Variants in ROBO1 observed in about 807,000 individuals in gnomAD.
ROBO1 encodes the protein roundabout homolog 1.
ROBO1 carries 149 observed loss-of-function variants against 195.9 expected under a neutral mutation model. That is an observed-to-expected ratio of 0.76 (90% CI 0.67 to 0.87). The LOEUF (loss-of-function observed/expected upper bound fraction) is 0.87, where lower values mean the gene tolerates loss of function less well. ROBO1 is among the 40% of genes least tolerant of loss of function. The pLI is 0.00. For missense variants in ROBO1, 1,933 were observed against 2,068.3 expected (o/e 0.93, Z 1.27); for synonymous variants, 816 against 733.2 (o/e 1.11, Z -1.82).
At chr3:79,018,669 G>T in intron 3 of ROBO1, 6 of 1,387,806 alleles carry the variant, frequency 4.3e-6, no homozygotes, top group Non-Finnish European at 5.6e-6. Flanking sequence ...AGAATTCCAA[G>T]GTTTGTCTTC....
intron 2 of ROBO1, among the ~76,000 whole-genome samples, chr3:79,471,632 G>A (rs1028197444): frequency 6.6e-6 from 1 of 152,106 alleles, no homozygotes; most frequent in East Asian, 1.9e-4. Context: ...AATTTTCTTT[G>A]ATCAAGGTCT....
chr3:79,428,800 T>C (rs373754678), intron 2 of ROBO1, among the ~76,000 whole-genome samples: 5 of 151,824 alleles, frequency 3.3e-5, no homozygotes, highest in African/African-American at 1.2e-4. Flanking sequence ...TTTTAAGAAA[T>C]AAATATTCAT....
intron 3 of ROBO1, among the ~76,000 whole-genome samples, chr3:78,986,454 C>T (rs2077108905): frequency 6.6e-6 from 1 of 151,388 alleles, no homozygotes; most frequent in Admixed American, 6.6e-5. Flanking sequence ...CAAATCCCAA[C>T]TCTCAAATCG....
At chr3:78,718,274 T>C (rs1382171269) in intron 5 of ROBO1, among the ~76,000 whole-genome samples, 2 of 152,198 alleles carry the variant, frequency 1.3e-5, no homozygotes, top group African/African-American at 4.8e-5. Flanking sequence ...ATAATTAATA[T>C]AGAAATATGT....
intron 3 of ROBO1, among the ~76,000 whole-genome samples, chr3:78,995,012 T>A (rs1183691210): frequency 1.3e-5 from 2 of 152,256 alleles, no homozygotes; most frequent in Non-Finnish European, 2.9e-5. Context: ...GAGAACCAGA[T>A]GGAAACTAAT....
chr3:79,652,943 C>T (rs1946054381), intron 1 of ROBO1, among the ~76,000 whole-genome samples: 1 of 151,812 alleles, frequency 6.6e-6, no homozygotes. Flanking sequence ...TAAAGCTTAC[C>T]TCTTTGAACA....
intron 2 of ROBO1, among the ~76,000 whole-genome samples, chr3:79,585,195 T>G (rs1943790841): frequency 6.6e-6 from 1 of 151,904 alleles, no homozygotes; most frequent in Non-Finnish European, 1.5e-5. Context: ...GCCATGGTTA[T>G]TAGTTTCTTT....
At chr3:78,905,853 T>C (rs1390905148) in intron 4 of ROBO1, among the ~76,000 whole-genome samples, 1 of 152,132 alleles carries the variant, frequency 6.6e-6, no homozygotes, top group Non-Finnish European at 1.5e-5. Context: ...AGTAACTTGC[T>C]AACATTAAAA....
intron 3 of ROBO1, among the ~76,000 whole-genome samples, chr3:78,982,862 A>G (rs1193489183): frequency 6.6e-6 from 1 of 152,014 alleles, no homozygotes; most frequent in Non-Finnish European, 1.5e-5. Flanking sequence ...CAAGTGATCC[A>G]CCGGCCATGG....
chr3:79,454,290 C>T lies in ROBO1; in HGVS notation c.88+135534G>A, dbSNP rs540714501. ...CAAGAAATAAAGATAGAAAAATAAGCACTGTAATGTTCATTTTTATTTATT... is the reference window on the plus strand; with the variant it reads ...CAAGAAATAAAGATAGAAAAATAAGTACTGTAATGTTCATTTTTATTTATT... On this transcript the variant is annotated intron_variant, in intron 2 of 30. Transcript: ENST00000464233. 1.3e-4 allele frequency among the ~76,000 whole-genome samples: 19 copies of T among 151,930 alleles called. No individual in the cohort carries two copies. The South Asian group carries it at 1.5e-3, about 12-fold the overall frequency.
intron 3 of ROBO1, among the ~76,000 whole-genome samples, chr3:79,074,419 A>C (rs1427968080): frequency 2.0e-5 from 3 of 151,790 alleles, no homozygotes; most frequent in African/African-American, 7.3e-5. Context: ...TTGTTTTTAA[A>C]TTTTTATTTA....
At chr3:78,997,740 G>A (rs2077403161) in intron 3 of ROBO1, among the ~76,000 whole-genome samples, 1 of 152,108 alleles carries the variant, frequency 6.6e-6, no homozygotes, top group South Asian at 2.1e-4. Flanking sequence ...GAGTTGGGGA[G>A]GGGAGGATAA....
At chr3:79,641,682 C>CAT (rs71130606) in intron 1 of ROBO1, among the ~76,000 whole-genome samples, 87,720 of 151,938 alleles carry the variant, frequency 0.58, 25,609 homozygotes, top group South Asian at 0.67. Context: ...TCCAATATAA[C>CAT]ACACACAAAA....
chr3:78,599,371 T>G (rs1703035640), intron 30 of ROBO1, among the ~76,000 whole-genome samples: 1 of 152,208 alleles, frequency 6.6e-6, no homozygotes, highest in Non-Finnish European at 1.5e-5. Flanking sequence ...TCTTTCTCAT[T>G]CTAAACCTCA....
intron 2 of ROBO1, among the ~76,000 whole-genome samples, chr3:79,416,632 G>A (rs2038016934): frequency 6.7e-6 from 1 of 148,932 alleles, no homozygotes; most frequent in African/African-American, 2.5e-5. Flanking sequence ...AAGAAAGAAA[G>A]AAAAAAAAGA....
intron 2 of ROBO1, among the ~76,000 whole-genome samples, chr3:79,550,478 AT>A (rs1436816159): frequency 6.6e-6 from 1 of 152,224 alleles, no homozygotes; most frequent in East Asian, 1.9e-4. Flanking sequence ...TATGCAAGTT[AT>A]ATGACAACAC....
At chr3:78,864,004 CATAGCA>C (rs2035010523) in intron 4 of ROBO1, among the ~76,000 whole-genome samples, 2 of 152,328 alleles carry the variant, frequency 1.3e-5, no homozygotes, top group East Asian at 3.9e-4. Context: ...TTACTGCCAT[CATAGCA>C]ATATAAGGGC....
At chr3:79,691,553 G>T (rs1158170147) in intron 1 of ROBO1, among the ~76,000 whole-genome samples, 2 of 151,552 alleles carry the variant, frequency 1.3e-5, no homozygotes, top group Non-Finnish European at 2.9e-5. Context: ...GTCAAGGAAG[G>T]GAAATTAGTT....
At chr3:79,449,320 C>A (rs1367842983) in intron 2 of ROBO1, among the ~76,000 whole-genome samples, 3 of 151,366 alleles carry the variant, frequency 2.0e-5, no homozygotes, top group Non-Finnish European at 3.0e-5. Context: ...TCCTGCATTT[C>A]CTCAAATATT....
Sources: gnomAD v4.1 joint callset for allele counts (sites outside exome capture counted in the v4.1 genomes callset) on GRCh38, gnomAD v4.1.1 for gene constraint, MANE v1.5 for transcripts, NCBI Gene and HGNC (gene_info 2026-07-23, HGNC 2026-07-21) for gene names.